The following ARF1 variants were observed in gnomAD, a reference collection of about 807,000 sequenced individuals.
ARF1 encodes ARF GTPase 1, also known as ADP-ribosylation factor 1.
Under a neutral mutation model 18.0 loss-of-function variants are expected in ARF1, and 1 was observed. The ratio of observed to expected loss-of-function variants is 0.06; its 90% CI spans 0.02 to 0.26. The LOEUF is 0.26. Among genes scored for constraint, ARF1 ranks in the 10% least tolerant of loss-of-function variants. The probability of loss-of-function intolerance (pLI) is 1.00; values close to 1 mark genes in which losing one functional copy is unlikely to be tolerated. For missense variants in ARF1, 73 were observed against 247.2 expected (o/e 0.30, Z 4.73); for synonymous variants, 112 against 96.3 (o/e 1.16, Z -0.95).
At chr1:228,083,704 C>T (rs2032297432) in intron 1 of ARF1, among the ~76,000 whole-genome samples, 1 of 152,268 alleles carries the variant, frequency 6.6e-6, no homozygotes, top group Non-Finnish European at 1.5e-5. Flanking sequence ...GAGGCCGGCC[C>T]CAGCGCTCTC....
chr1:228,091,625 C>G (rs537771970), intron 1 of ARF1, among the ~76,000 whole-genome samples: 8 of 152,272 alleles, frequency 5.3e-5, no homozygotes, highest in Admixed American at 3.9e-4. Flanking sequence ...CCTTTTGATT[C>G]GCACCTGTGT....
At chr1:228,088,017 C>G (rs1029883007) in intron 1 of ARF1, 1 of 152,242 alleles carries the variant, frequency 6.6e-6, no homozygotes, top group East Asian at 1.9e-4. Flanking sequence ...TGGTGAGTCA[C>G]TTGTGCAGTG....
chr1:228,098,974 T>G lies in ARF1; in HGVS notation c.*961T>G, dbSNP rs1425001043. 6.6e-6 allele frequency: 1 copy of G among 152,668 alleles called. No individual in the cohort carries two copies. Among genetic ancestry groups the G allele is most frequent in the Non-Finnish European group, 1.5e-5 (1 of 68,040 alleles). The allele number at this position is 152,668 out of a possible 1,614,324, so 9.5% of individuals were successfully genotyped here. Reference sequence around the variant, plus strand: ...TCCCTCAGCCTGCAAGGGTCCGATTTGCCATCGAAAAAGACAACCTCTACT... The same window carrying G: ...TCCCTCAGCCTGCAAGGGTCCGATTGGCCATCGAAAAAGACAACCTCTACT... On this transcript the variant is annotated 3_prime_UTR_variant, in exon 5 of 5. Coordinates refer to ENST00000272102, the MANE Select transcript of ARF1 (RefSeq NM_001658.4).
Position 228,097,105 on chromosome 1 carries a change from G to T in ARF1, c.-10G>T. On this transcript the variant is annotated 5_prime_UTR_variant, in exon 2 of 5. Transcript: ENST00000272102. The surrounding 1 kb of genome is among the most constrained non-coding windows in gnomAD (Gnocchi z 8.1). The stretch of plus-strand genomic sequence containing the variant: ...GTCCCTGGCCAGTGTCCTTCCACCT[G>T]TCCACAAGCATGGGGAACATCTTCG... 2 of 1,591,792 alleles carry T rather than the reference G, an allele frequency of 1.3e-6. No homozygotes were observed. The highest frequency in any genetic ancestry group is 2.7e-5 in the African/African-American group (2 of 74,842).
At chr1:228,086,522 A>T (rs2032407095) in intron 1 of ARF1, among the ~76,000 whole-genome samples, 1 of 151,946 alleles carries the variant, frequency 6.6e-6, no homozygotes, top group African/African-American at 2.4e-5. Flanking sequence ...TCTCAAAAAA[A>T]AAAAAAAGAA....
chr1:228,092,884 G>A (rs2032617916), intron 1 of ARF1, among the ~76,000 whole-genome samples: 1 of 152,246 alleles, frequency 6.6e-6, no homozygotes, highest in Non-Finnish European at 1.5e-5. Context: ...CCCCTGTTCA[G>A]GCACAGTGAG....
intron 1 of ARF1, among the ~76,000 whole-genome samples, chr1:228,091,658 A>T (rs1047249942): frequency 1.3e-5 from 2 of 152,142 alleles, no homozygotes; most frequent in Non-Finnish European, 2.9e-5. Flanking sequence ...AGCCTGTGAG[A>T]TGTGTCTGCC....
chr1:228,096,760 C>T (rs923612205), intron 1 of ARF1, among the ~76,000 whole-genome samples: 1 of 152,182 alleles, frequency 6.6e-6, no homozygotes, highest in African/African-American at 2.4e-5. Context: ...GAGCCTTGCA[C>T]GCACCTGGAA....
intron 1 of ARF1, among the ~76,000 whole-genome samples, chr1:228,086,946 C>T (rs765544648): frequency 2.6e-5 from 4 of 152,184 alleles, no homozygotes; most frequent in Non-Finnish European, 5.9e-5. Context: ...TGCTGCAGAA[C>T]GCAGAACTGG....
rs1484840161 is a variant in ARF1, at chr1:228,089,038, G to A, written c.-38+6273G>A. On this transcript the variant is annotated intron_variant, in intron 1 of 4. Coordinates refer to ENST00000272102, the MANE Select transcript of ARF1 (RefSeq NM_001658.4). This position sits in a 1 kb window ranked among gnomAD's most constrained non-coding sequence, Gnocchi z 4.1. Reference sequence around the variant, plus strand: ...GAACACGCAGGAGGAGGCTGGAGACGGGGTTCTTGCCTGGGGAACAGGAGG... The same window carrying A: ...GAACACGCAGGAGGAGGCTGGAGACAGGGTTCTTGCCTGGGGAACAGGAGG... Among the ~76,000 whole-genome samples the A allele has an allele frequency of 2.6e-5, 4 of 152,186 alleles. No homozygotes were observed. Among genetic ancestry groups the A allele is most frequent in the Non-Finnish European group, 5.9e-5 (4 of 68,032 alleles).
chr1:228,095,980 C>A, intron 1 of ARF1, among the ~76,000 whole-genome samples: 1 of 152,236 alleles, frequency 6.6e-6, no homozygotes, highest in East Asian at 1.9e-4. Flanking sequence ...GGACACTGAT[C>A]CAGCTTGAAG....
At chr1:228,084,691 T>C (rs1467981500) in intron 1 of ARF1, among the ~76,000 whole-genome samples, 1 of 152,220 alleles carries the variant, frequency 6.6e-6, no homozygotes, top group East Asian at 1.9e-4. Context: ...GAAGATGCAT[T>C]TGACCTTTCA....
chr1:228,094,474 C>T (rs1771466), intron 1 of ARF1, among the ~76,000 whole-genome samples: 7,234 of 152,088 alleles, frequency 0.048, 594 homozygotes, highest in African/African-American at 0.16. Context: ...GTTTTTCATG[C>T]GAACCTGTCA....
Position 228,098,937 on chromosome 1 carries a change from T to C in ARF1, c.*924T>C, listed in dbSNP as rs1449590397. ...GGGAGCACCCCACCTCTGTGTGTGA[T>C]GTAGCTTTCTCTCCCTCAGCCTGCA... On this transcript the variant is annotated 3_prime_UTR_variant, in exon 5 of 5. Coordinates refer to ENST00000272102, the MANE Select transcript of ARF1 (RefSeq NM_001658.4). 2 of 152,666 alleles carry C rather than the reference T, an allele frequency of 1.3e-5. No individual in the cohort carries two copies. The highest frequency in any genetic ancestry group is 2.1e-4 in the South Asian group (1 of 4,826). The allele number at this position is 152,666 out of a possible 1,614,324, so 9.5% of individuals were successfully genotyped here.
chr1:228,099,034 G>A lies in ARF1; in HGVS notation c.*1021G>A, dbSNP rs762166638. The A allele has an allele frequency of 6.6e-6, 1 of 152,632 alleles. No homozygotes were observed. The highest frequency in any genetic ancestry group is 1.5e-5 in the Non-Finnish European group (1 of 68,040). The allele number at this position is 152,632 out of a possible 1,614,324, so 9.5% of individuals were successfully genotyped here. On this transcript the variant is annotated 3_prime_UTR_variant, in exon 5 of 5. Transcript: ENST00000272102. The stretch of plus-strand genomic sequence containing the variant: ...TGTATTTTGATAAACACTGAAGCTG[G>A]AGCTGTTAAATTTATCTTGGGGAAA...
chr1:228,093,865 G>T (rs968892299), intron 1 of ARF1, among the ~76,000 whole-genome samples: 4 of 150,928 alleles, frequency 2.7e-5, no homozygotes, highest in African/African-American at 4.9e-5. Context: ...GGCAGAGGTT[G>T]CAGTGAGCCG....
At chr1:228,094,499 G>A (rs572208899) in intron 1 of ARF1, among the ~76,000 whole-genome samples, 36 of 151,916 alleles carry the variant, frequency 2.4e-4, no homozygotes, top group Non-Finnish European at 3.8e-4. Flanking sequence ...TAGTTTTTCC[G>A]CATTGCCTAG....
intron 1 of ARF1, among the ~76,000 whole-genome samples, chr1:228,086,447 T>C (rs979269651): frequency 1.4e-5 from 2 of 146,508 alleles, no homozygotes; most frequent in African/African-American, 5.1e-5. Context: ...ACCCGGGAGG[T>C]GGAGCTTGCA....
chr1:228,086,516 A>G (rs1332282469), intron 1 of ARF1, among the ~76,000 whole-genome samples: 3 of 139,790 alleles, frequency 2.1e-5, no homozygotes, highest in Admixed American at 2.1e-4. Flanking sequence ...ACTTTGTCTC[A>G]AAAAAAAAAA....
Sources: allele counts gnomAD v4.1 joint callset (sites outside exome capture counted in the v4.1 genomes callset), GRCh38; gene constraint gnomAD v4.1.1; non-coding constraint Gnocchi (gnomAD v3.1); transcripts MANE v1.5; gene names NCBI Gene and HGNC (gene_info 2026-07-23, HGNC 2026-07-21).